The following CAPN10 variants were observed in gnomAD, a reference collection of about 807,000 sequenced individuals.
The protein encoded by CAPN10 is calpain-10.
A neutral mutation model predicts 78.4 loss-of-function variants in CAPN10; 71 were observed. That is an observed-to-expected ratio of 0.91 (90% CI 0.75 to 1.10). The LOEUF (loss-of-function observed/expected upper bound fraction) is 1.10, where lower values mean the gene tolerates loss of function less well. Ranked by LOEUF, CAPN10 falls within the 50% of genes least tolerant of loss-of-function variation. The probability of loss-of-function intolerance (pLI) is 0.00; values close to 1 mark genes in which losing one functional copy is unlikely to be tolerated. For synonymous variants in CAPN10, 437 were observed against 407.2 expected, an observed-to-expected ratio of 1.07 and a Z score of -0.88; for missense variants, 849 against 924.6, an observed-to-expected ratio of 0.92 and a Z score of 1.06.
chr2:240,592,244 A>ACAG lies in CAPN10; in HGVS notation c.688+96_688+98dup. ...TGTAGCTTTTTATGTGACTGGCTACACAGCCCTGTCAGGACTAAGTGGGAA... is the reference window on the plus strand; with the variant it reads ...TGTAGCTTTTTATGTGACTGGCTACACAGCAGCCCTGTCAGGACTAAGTGGGAA... On this transcript the variant is annotated intron_variant, in intron 4 of 11. Coordinates refer to ENST00000391984, the MANE Select transcript of CAPN10 (RefSeq NM_023083.4). 2.7e-6 allele frequency: 3 copies of ACAG among 1,093,268 alleles called. No homozygotes were observed. In the Admixed American group the frequency reaches 6.2e-5, roughly 22 times the overall value. 67.7% of individuals were successfully genotyped at this position (1,093,268 alleles called of 1,614,324 possible). A position where few individuals can be genotyped will look rare whatever the true frequency, so the allele number is the denominator to read the frequency against.
At chr2:240,598,185 T>C in intron 10 of CAPN10, 98 bp downstream of exon 10, 5 of 1,348,976 alleles carry the variant, frequency 3.7e-6, no homozygotes, top group Non-Finnish European at 3.1e-6. Flanking sequence ...CCCCTCACCC[T>C]CAAGCCCCTA....
rs753739887 is a variant in CAPN10 at position 240,590,922 on chromosome 2, C to T, written c.381C>T (p.Arg127=). 4 of 1,614,236 alleles carry T rather than the reference C, an allele frequency of 2.5e-6. No individual in the cohort carries two copies. Among genetic ancestry groups the T allele is most frequent in the Admixed American group, 1.7e-5 (1 of 60,030 alleles). Residue 127 remains arginine, a synonymous_variant, in exon 3 of 12, where the codon CGC becomes CGT. Transcript: ENST00000391984. Reference sequence around the variant, plus strand: ...GGGTGGAGGTGACCACAGATGACCGCCTGCCGTGCCTTGCAGGGAGACTCT... The same window carrying T: ...GGGTGGAGGTGACCACAGATGACCGTCTGCCGTGCCTTGCAGGGAGACTCT... ...GRWVEVTTDD[R]LPCLAGRLCF...
At chr2:240,596,567 C>T in intron 8 of CAPN10, 46 bp downstream of exon 8, 2 of 1,552,344 alleles carry the variant, frequency 1.3e-6, no homozygotes, top group Non-Finnish European at 1.7e-6. Context: ...GGCCACAGGC[C>T]CTTCCAAGGC....
Position 240,595,166 on chromosome 2 carries a change from C to A in CAPN10, c.1140C>A (p.Ala380=). 6.2e-7 allele frequency: 1 copy of A among 1,613,898 alleles called. No homozygotes were observed. Among genetic ancestry groups the A allele is most frequent in the Non-Finnish European group, 8.5e-7 (1 of 1,180,030 alleles). ...RVSEPSEVYI[A]VLQRSRLHAA... is the part of the protein sequence containing the mutation. ...CAGAACCGAGTGAGGTGTACATTGC[C>A]GTCCTGCAGAGATCCAGGCTGCACG... The change falls in exon 7 of 12, where the codon GCC becomes GCA. Residue 380 remains alanine, a synonymous_variant. Coordinates refer to ENST00000391984, the MANE Select transcript of CAPN10 (RefSeq NM_023083.4).
chr2:240,596,710 C>A lies in CAPN10; in HGVS notation c.1511C>A (p.Thr504Asn). Residue 504 changes from threonine to asparagine, a missense_variant, in exon 9 of 12, where the codon ACC becomes AAC. Physicochemically the swap from Thr to Asn is moderately conservative, Grantham distance 65 (BLOSUM62 0). Coordinates refer to ENST00000391984, the MANE Select transcript of CAPN10 (RefSeq NM_023083.4). ...ATCAGGGCAGTGGCCAAGAACACCA[C>A]CCCCGGGGCAGCCCTGCCTGCGGGG... ...SAIRAVAKNT[T>N]PGAALPAGEW... The A allele has an allele frequency of 1.3e-6, 2 of 1,568,870 alleles. No homozygotes were observed. Among genetic ancestry groups the A allele is most frequent in the Non-Finnish European group, 1.7e-6 (2 of 1,156,246 alleles).
intron 1 of CAPN10, among the ~76,000 whole-genome samples, chr2:240,587,840 A>G (rs563155474): frequency 1.2e-4 from 18 of 152,186 alleles, no homozygotes; most frequent in Non-Finnish European, 2.1e-4. Flanking sequence ...GCTGGAGGCC[A>G]CTAGAGGGTT....
rs147405246 is a variant in CAPN10 at position 240,597,293 on chromosome 2, G to A, written c.1743+351G>A. 2.4e-3 allele frequency among the ~76,000 whole-genome samples: 370 copies of A among 152,318 alleles called. 4 individuals are homozygous for A. Among genetic ancestry groups the A allele is most frequent in the African/African-American group, 8.1e-3 (338 of 41,576 alleles). On this transcript the variant is annotated intron_variant, in intron 9 of 11. Coordinates refer to ENST00000391984, the MANE Select transcript of CAPN10 (RefSeq NM_023083.4). The stretch of plus-strand genomic sequence containing the variant: ...GTGGGTCGAGCCCTGGCTTGGGAAC[G>A]CAGGGGGCTGATGGACTCAGGAGTG...
At chr2:240,594,801 G>T in intron 6 of CAPN10, 92 bp downstream of exon 6, 1 of 1,082,656 alleles carries the variant, frequency 9.2e-7, no homozygotes. Context: ...CCCAGGCCCA[G>T]TTTGGTTCTC....
rs144696781 is a variant in CAPN10, at chr2:240,594,585, G to T, written c.873G>T (p.Glu291Asp). Residue 291 changes from glutamate (E) to aspartate (D), a missense_variant, in exon 6 of 12, where the codon GAG becomes GAT. Glu to Asp is a conservative substitution (Grantham distance 45). Coordinates refer to ENST00000391984, the MANE Select transcript of CAPN10 (RefSeq NM_023083.4). ...WSQVDAAVAS[E>D]LLSQLQEGEF... ...AGGTAGATGCAGCGGTAGCATCTGAGCTCCTGTCCCAGCTCCAGGAAGGGG... is the reference window on the plus strand; with the variant it reads ...AGGTAGATGCAGCGGTAGCATCTGATCTCCTGTCCCAGCTCCAGGAAGGGG... 3.7e-4 allele frequency: 605 copies of T among 1,613,912 alleles called. 3 individuals are homozygous for T. The highest frequency in any genetic ancestry group is 2.6e-3 in the Middle Eastern group (16 of 6,058).
In CAPN10 at chr2:240,596,487, C is replaced by T; in HGVS notation, c.1447C>T (p.Leu483Phe). 1.2e-6 allele frequency: 2 copies of T among 1,611,562 alleles called. No homozygotes were observed. The highest frequency in any genetic ancestry group is 8.5e-7 in the Non-Finnish European group (1 of 1,178,296). ...FLKDAPGEFLLRVFSTGRVSL... is the reference protein window; with the variant it reads ...FLKDAPGEFLFRVFSTGRVSL... ...GAAGGACGCGCCAGGGGAGTTCCTG[C>T]TCCGAGTCTTCTCTACCGGGCGAGT... is the stretch of plus-strand genomic sequence containing the variant. The change falls in exon 8 of 12, where the codon CTC (leucine) becomes TTC (phenylalanine). Residue 483 changes from leucine (L) to phenylalanine (F), a missense_variant. Coordinates refer to ENST00000391984, the MANE Select transcript of CAPN10 (RefSeq NM_023083.4).
Position 240,596,384 on chromosome 2 carries a change from C to G in CAPN10, c.1344C>G (p.Cys448Trp), listed in dbSNP as rs373123426. Residue 448 changes from cysteine to tryptophan, a missense_variant, in exon 8 of 12, where the codon TGC becomes TGG. Coordinates refer to ENST00000391984, the MANE Select transcript of CAPN10 (RefSeq NM_023083.4). The stretch of plus-strand genomic sequence containing the variant: ...TGCCCCCCGTGGCTGGCACCGCGTG[C>G]CATGCATACGACCGGGAGGTCCACC... ...LSMPPVAGTACHAYDREVHLR... is the reference protein window; with the variant it reads ...LSMPPVAGTAWHAYDREVHLR... 5.6e-6 allele frequency: 9 copies of G among 1,613,244 alleles called. No homozygotes were observed. Among genetic ancestry groups the G allele is most frequent in the Non-Finnish European group, 7.6e-6 (9 of 1,179,856 alleles).
chr2:240,591,023 G>A lies in CAPN10; in HGVS notation c.470+12G>A, dbSNP rs752474531. 4 of 1,610,902 alleles carry A rather than the reference G, an allele frequency of 2.5e-6. No individual in the cohort carries two copies. Among genetic ancestry groups the A allele is most frequent in the Non-Finnish European group, 3.4e-6 (4 of 1,177,848 alleles). ...AAGGTCTACGCCAAGTGCGTGTGCT[G>A]GGGGCTGAAGGGCCTGGCCTGGGGC... is the stretch of plus-strand genomic sequence containing the variant. On this transcript the variant is annotated intron_variant, in intron 3 of 11. Coordinates refer to ENST00000391984, the MANE Select transcript of CAPN10 (RefSeq NM_023083.4).
In CAPN10 at chr2:240,591,030, G is replaced by A; in HGVS notation, c.470+19G>A. On this transcript the variant is annotated intron_variant, in intron 3 of 11. Transcript: ENST00000391984. ...ACGCCAAGTGCGTGTGCTGGGGGCT[G>A]AAGGGCCTGGCCTGGGGCAAGTGGG... 6.2e-7 allele frequency: 1 copy of A among 1,609,888 alleles called. No homozygotes were observed. The highest frequency in any genetic ancestry group is 8.5e-7 in the Non-Finnish European group (1 of 1,177,362).
intron 1 of CAPN10, 136 bp from the exon 2 acceptor site, chr2:240,589,207 T>G: frequency 8.6e-7 from 1 of 1,159,060 alleles, no homozygotes. Flanking sequence ...GGAAACCACC[T>G]TCCTGTCCCT....
Position 240,589,394 on chromosome 2 carries a change from G to A in CAPN10, c.193G>A (p.Val65Met), listed in dbSNP as rs754246897. Residue 65 changes from valine to methionine, a missense_variant, in exon 2 of 12, where the codon GTG becomes ATG. Physicochemically the swap from Val to Met is conservative, Grantham distance 21. Transcript: ENST00000391984. Reference sequence around the variant, plus strand: ...TCCAGATGACCCACGGGAAGGGCAGGTGAAGCAGGGGCTGCTGGGGGATTG... The same window carrying A: ...TCCAGATGACCCACGGGAAGGGCAGATGAAGCAGGGGCTGCTGGGGGATTG... ...LFPDDPREGQ[V>M]KQGLLGDCWF... 6.2e-7 allele frequency: 1 copy of A among 1,614,148 alleles called. No homozygotes were observed. The highest frequency in any genetic ancestry group is 2.2e-5 in the East Asian group (1 of 44,884).
At chr2:240,593,835 C>T (rs573607710) in intron 4 of CAPN10, 71 bp from the exon 5 acceptor site, 3 of 1,504,168 alleles carry the variant, frequency 2.0e-6, no homozygotes, top group East Asian at 2.3e-5. Flanking sequence ...GAGGCAGAGG[C>T]CTGTGTGTCC....
At chr2:240,597,108 A>C (rs73001807) in intron 9 of CAPN10, among the ~76,000 whole-genome samples, 166 bp downstream of exon 9, 3 of 152,156 alleles carry the variant, frequency 2.0e-5, no homozygotes, top group African/African-American at 7.2e-5. Context: ...CCCATCTCCA[A>C]CCTCTCAGAG....
Position 240,587,014 on chromosome 2 carries a change from G to C in CAPN10, c.103G>C (p.Ala35Pro). 1.4e-6 allele frequency: 2 copies of C among 1,467,100 alleles called. No individual in the cohort carries two copies. Among genetic ancestry groups the C allele is most frequent in the South Asian group, 2.6e-5 (2 of 75,476 alleles). The allele number at this position is 1,467,100 out of a possible 1,614,324, so 90.9% of individuals were successfully genotyped here. A position where few individuals can be genotyped will look rare whatever the true frequency, so the allele number is the denominator to read the frequency against. ...CTTCTGCGACTTGTCTACGCCGCTG[G>C]CCCAGTTCCGCGAGGACATCACGTG... The part of the protein sequence containing the change: ...SLFCDLSTPL[A>P]QFREDITWRR... Residue 35 changes from alanine (A) to proline (P), a missense_variant, in exon 1 of 12, where the codon GCC becomes CCC. Transcript: ENST00000391984.
chr2:240,594,143 T>G, intron 5 of CAPN10, 96 bp downstream of exon 5: 1 of 1,324,230 alleles, frequency 7.6e-7, no homozygotes, highest in Non-Finnish European at 1.0e-6. Context: ...AGGACTGTAC[T>G]TGGCTGTCTC....
Sources: gnomAD v4.1 joint callset for allele counts (sites outside exome capture counted in the v4.1 genomes callset) on GRCh38, gnomAD v4.1.1 for gene constraint, MANE v1.5 for transcripts, NCBI Gene and HGNC (gene_info 2026-07-23, HGNC 2026-07-21) for gene names.